Variants in PBX1 observed in about 807,000 individuals in gnomAD.
The protein encoded by PBX1 is PBX homeobox 1.
PBX1 carries 6 observed loss-of-function variants against 53.4 expected under a neutral mutation model. The ratio of observed to expected loss-of-function variants is 0.11; its 90% confidence interval spans 0.06 to 0.22. The LOEUF is 0.22. PBX1 is among the 10% of genes least tolerant of loss of function. The pLI, the probability that PBX1 is intolerant of heterozygous loss-of-function variation, is 1.00. For synonymous variants in PBX1, 204 were observed against 212.3 expected (o/e 0.96, Z 0.34); for missense variants, 251 against 551.4 (o/e 0.46, Z 5.46).
Position 164,792,477 on chromosome 1 carries a change from CCTGT to C in PBX1, c.266-14_266-11del. 1 of 1,611,326 alleles carries C rather than the reference CCTGT, an allele frequency of 6.2e-7. No individual in the cohort carries two copies. Among genetic ancestry groups the C allele is most frequent in the Non-Finnish European group, 8.5e-7 (1 of 1,179,880 alleles). ...TTGGGTTACTATTAACGCTCCCTTC[CCTGT>C]CTTTTTCTGTAGTTTTGAGTATCCG... On this transcript the variant is annotated splice_polypyrimidine_tract_variant and intron_variant, in intron 2 of 8. Transcript: ENST00000420696.
chr1:164,825,115 TG>T (rs1235327478), intron 8 of PBX1, among the ~76,000 whole-genome samples: 3 of 152,146 alleles, frequency 2.0e-5, no homozygotes, highest in African/African-American at 7.2e-5. Flanking sequence ...CCATTCAGTA[TG>T]GCCAGCTCAT....
chr1:164,793,379 C>G (rs1321780430), intron 3 of PBX1, among the ~76,000 whole-genome samples: 1 of 152,150 alleles, frequency 6.6e-6, no homozygotes, highest in Non-Finnish European at 1.5e-5. Context: ...AACTGGGATT[C>G]TAATCCGGGC....
chr1:164,575,885 G>A (rs1280777747), intron 2 of PBX1, among the ~76,000 whole-genome samples: 1 of 151,896 alleles, frequency 6.6e-6, no homozygotes, highest in African/African-American at 2.4e-5. Context: ...GTGCGGGTGG[G>A]TGGTGATGCT....
intron 4 of PBX1, 86 bp from the exon 5 acceptor site, chr1:164,807,455 CT>C: frequency 1.3e-6 from 2 of 1,492,854 alleles, no homozygotes; most frequent in Middle Eastern, 1.8e-4. Context: ...AAAAATTTGT[CT>C]TCTCCCAGAA....
intron 2 of PBX1, among the ~76,000 whole-genome samples, chr1:164,884,235 C>T (rs1244669541): frequency 6.6e-6 from 1 of 152,168 alleles, no homozygotes; most frequent in Non-Finnish European, 1.5e-5. Flanking sequence ...AAATTATAAA[C>T]AGGTGACTCC....
intron 2 of PBX1, among the ~76,000 whole-genome samples, chr1:164,615,435 A>G (rs1371351030): frequency 5.9e-5 from 9 of 152,022 alleles, no homozygotes; most frequent in Non-Finnish European, 1.3e-4. Flanking sequence ...TTTTTAGAAT[A>G]ATTTTTTTTT....
rs1275421805 is a variant in PBX1 at position 164,848,507 on chromosome 1, G to C, written c.*1831G>C. 6.6e-6 allele frequency: 7 copies of C among 1,058,654 alleles called. No homozygotes were observed. The East Asian group carries it at 2.6e-4, about 39-fold the overall frequency. The allele number at this position is 1,058,654 out of a possible 1,614,324, so 65.6% of individuals were successfully genotyped here. On this transcript the variant is annotated 3_prime_UTR_variant, in exon 9 of 9. Coordinates refer to ENST00000420696, the MANE Select transcript of PBX1 (RefSeq NM_002585.4). ...TTCATGCCATCTAGGGACAATAAAT[G>C]GTTTTCTTGTTGTAACTTCTGGTTA... is the stretch of plus-strand genomic sequence containing the variant.
intron 2 of PBX1, among the ~76,000 whole-genome samples, chr1:164,878,097 G>A (rs890055889): frequency 6.6e-6 from 1 of 152,132 alleles, no homozygotes; most frequent in African/African-American, 2.4e-5. Context: ...AGAGTGCTTA[G>A]TATGTATTTT....
At chr1:164,873,140 A>G (rs1174681867) in intron 2 of PBX1, among the ~76,000 whole-genome samples, 1 of 152,056 alleles carries the variant, frequency 6.6e-6, no homozygotes, top group African/African-American at 2.4e-5. Flanking sequence ...TTTGAACCCA[A>G]CTCTGACTCT....
intron 2 of PBX1, chr1:164,787,730 C>T (rs1668278032): frequency 6.6e-6 from 1 of 152,188 alleles, no homozygotes; most frequent in South Asian, 2.1e-4. Context: ...AAGAATTAAC[C>T]CCAGGGCAAG....
chr1:164,576,169 G>A (rs1290649729), intron 2 of PBX1, among the ~76,000 whole-genome samples: 2 of 152,142 alleles, frequency 1.3e-5, no homozygotes, highest in East Asian at 1.9e-4. Context: ...CGAGCCACAT[G>A]GCCTTGTGCT....
chr1:164,800,132 C>T (rs1477907915), intron 4 of PBX1, among the ~76,000 whole-genome samples: 2 of 152,194 alleles, frequency 1.3e-5, no homozygotes, highest in Non-Finnish European at 2.9e-5. Context: ...GCAAGGAGGA[C>T]TTAGGTACAG....
intron 2 of PBX1, among the ~76,000 whole-genome samples, chr1:164,609,730 G>A (rs1571059072): frequency 6.6e-6 from 1 of 152,180 alleles, no homozygotes; most frequent in African/African-American, 2.4e-5. Context: ...AAAGGAAGGG[G>A]TAGACAGGCT....
intron 2 of PBX1, among the ~76,000 whole-genome samples, chr1:164,564,815 G>GTA (rs1653316688): frequency 6.6e-6 from 1 of 151,172 alleles, no homozygotes; most frequent in African/African-American, 2.4e-5. Context: ...AAGTGTGTGT[G>GTA]TATATATATA....
chr1:164,575,398 T>C (rs571841071), intron 2 of PBX1, among the ~76,000 whole-genome samples: 2 of 152,288 alleles, frequency 1.3e-5, no homozygotes, highest in East Asian at 3.9e-4. Flanking sequence ...AGAAAAAGTT[T>C]ATATATTTGT....
chr1:164,700,228 G>A (rs1663039115), intron 2 of PBX1, among the ~76,000 whole-genome samples: 1 of 152,046 alleles, frequency 6.6e-6, no homozygotes, highest in African/African-American at 2.4e-5. Flanking sequence ...CGTGTGTAGA[G>A]GAGTGGAGGC....
chr1:164,733,433 C>G (rs1287801214), intron 2 of PBX1, among the ~76,000 whole-genome samples: 1 of 152,110 alleles, frequency 6.6e-6, no homozygotes, highest in Non-Finnish European at 1.5e-5. Context: ...GTCGCTTTCA[C>G]CCTTGCACAG....
At chr1:164,837,352 C>T (rs903046365) in intron 8 of PBX1, among the ~76,000 whole-genome samples, 3 of 152,114 alleles carry the variant, frequency 2.0e-5, no homozygotes, top group African/African-American at 7.2e-5. Flanking sequence ...AAAAAGAATA[C>T]CCTTACTTGA....
chr1:164,740,871 G>A lies in PBX1; in HGVS notation c.266-51623G>A, dbSNP rs115469343. Among the ~76,000 whole-genome samples, 936 of 152,138 alleles carry A rather than the reference G, an allele frequency of 6.2e-3. 8 individuals carry two copies. The highest frequency in any genetic ancestry group is 0.021 in the African/African-American group (851 of 41,496). ...AAAAGGGGATCTTATTCTGCCCATGGGATATTGATATTTGATCAACTGTTA... is the reference window on the plus strand; with the variant it reads ...AAAAGGGGATCTTATTCTGCCCATGAGATATTGATATTTGATCAACTGTTA... On this transcript the variant is annotated intron_variant, in intron 2 of 8. Coordinates refer to ENST00000420696, the MANE Select transcript of PBX1 (RefSeq NM_002585.4).
Sources: allele counts gnomAD v4.1 joint callset (sites outside exome capture counted in the v4.1 genomes callset), GRCh38; gene constraint gnomAD v4.1.1; transcripts MANE v1.5; gene names NCBI Gene and HGNC (gene_info 2026-07-23, HGNC 2026-07-21).